TDRD12: variants seen among roughly 807,000 people sequenced by gnomAD.
TDRD12 encodes the protein tudor domain containing 12.
A neutral mutation model predicts 133.5 loss-of-function variants in TDRD12; 158 were observed. That is an observed-to-expected ratio of 1.18 (90% CI 1.04 to 1.35). The LOEUF (loss-of-function observed/expected upper bound fraction) is 1.35. Among genes scored for constraint, TDRD12 ranks in the 40% most tolerant of loss-of-function variants. TDRD12 has a pLI of 0.00. For synonymous variants in TDRD12, 460 were observed against 477.9 expected (o/e 0.96, Z 0.49); for missense variants, 1,443 against 1,321.3 (o/e 1.09, Z -1.43).
chr19:32,745,741 TGTG>T (rs1461965203), intron 4 of TDRD12, among the ~76,000 whole-genome samples: 15 of 144,362 alleles, frequency 1.0e-4, no homozygotes, highest in African/African-American at 3.7e-4. Flanking sequence ...GACTGGCTGA[TGTG>T]GTTATTCTGT....
At chr19:32,773,184 G>A (rs1035088314) in intron 9 of TDRD12, among the ~76,000 whole-genome samples, 7 of 152,194 alleles carry the variant, frequency 4.6e-5, no homozygotes, top group Admixed American at 4.6e-4. Flanking sequence ...CCGTCCCTTT[G>A]ACAAGACAGG....
intron 22 of TDRD12, among the ~76,000 whole-genome samples, 170 bp from the exon 23 acceptor site, chr19:32,809,923 G>T (rs1292278043): frequency 6.6e-6 from 1 of 152,112 alleles, no homozygotes; most frequent in Admixed American, 6.5e-5. Context: ...ACTGTGTGAG[G>T]TATTGGTTTT....
At position 32,794,642 on chromosome 19, in the gene TDRD12, TAA is replaced by T; in HGVS notation, c.1303_1304del (p.Lys435ValfsTer8). 2 of 702,462 alleles carry T rather than the reference TAA, an allele frequency of 2.8e-6. No individual in the cohort carries two copies. Among genetic ancestry groups the T allele is most frequent in the Non-Finnish European group, 5.2e-6 (2 of 384,774 alleles). The allele number at this position is 702,462 out of a possible 1,614,324, so 43.5% of individuals were successfully genotyped here. On this transcript the variant is annotated frameshift_variant, in exon 14 of 28. Coordinates refer to ENST00000444215, the Ensembl canonical transcript of TDRD12. LOFTEE classifies it high-confidence loss of function. The stretch of plus-strand genomic sequence containing the variant: ...CTGTTTTGTAGGCTCTTCAAAGAAA[TAA>T]GTTTCCGGGCCCCAGCCACACTGAA...
chr19:32,828,209 G>T (rs1166448743), exon 10 of TDRD12: 1 of 152,226 alleles, frequency 6.6e-6, no homozygotes, highest in African/African-American at 2.4e-5. Context: ...TTTCCGGGGT[G>T]AAGCTGCTGG....
rs572771785 is a variant in TDRD12 at position 32,817,185 on chromosome 19, T to A, written c.3315-904T>A. Among the ~76,000 whole-genome samples the A allele has an allele frequency of 2.6e-5, 4 of 152,284 alleles. No individual in the cohort carries two copies. In the East Asian group the frequency reaches 7.7e-4, roughly 29 times the overall value. ...TTTTAAGTGTACAATTCAGTGGCAT[T>A]TAGGACATTCTCAGTGTTGTGCAAC... On this transcript the variant is annotated intron_variant, in intron 26 of 27. Transcript: ENST00000444215.
exon 6 of TDRD12, chr19:32,749,801 G>C: frequency 6.4e-7 from 1 of 1,550,390 alleles, no homozygotes; most frequent in Non-Finnish European, 8.7e-7. Flanking sequence ...CCAGGTGGAA[G>C]CCAGATTATG....
intron 1 of TDRD12, among the ~76,000 whole-genome samples, chr19:32,729,778 CTTT>C (rs1162347194): frequency 3.9e-4 from 29 of 73,684 alleles, no homozygotes; most frequent in East Asian, 3.7e-3. Context: ...TTTTCTTTTT[CTTT>C]TTTTTTTTTT....
intron 2 of TDRD12, among the ~76,000 whole-genome samples, chr19:32,735,990 C>T (rs536793722): frequency 1.3e-5 from 2 of 152,076 alleles, no homozygotes; most frequent in Admixed American, 6.6e-5. Flanking sequence ...TAGGAGAAGT[C>T]GGTGTCTTTA....
intron 13 of TDRD12, among the ~76,000 whole-genome samples, chr19:32,793,774 A>C (rs1393628234): frequency 6.6e-6 from 1 of 150,870 alleles, no homozygotes; most frequent in East Asian, 1.9e-4. Context: ...CTTTTAATTT[A>C]GAAAATTAAA....
intron 8 of TDRD12, among the ~76,000 whole-genome samples, chr19:32,769,161 A>G (rs1407858089): frequency 2.0e-5 from 3 of 152,078 alleles, no homozygotes; most frequent in Non-Finnish European, 4.4e-5. Flanking sequence ...ATTTTTGGTA[A>G]AGTCTAGCTA....
At chr19:32,766,371 A>G (rs892836519) in intron 8 of TDRD12, among the ~76,000 whole-genome samples, 3 of 152,194 alleles carry the variant, frequency 2.0e-5, no homozygotes, top group African/African-American at 7.2e-5. Flanking sequence ...TTTGCATTAC[A>G]AACAATCCAG....
At chr19:32,722,366 T>G (rs909725733) in intron 1 of TDRD12, among the ~76,000 whole-genome samples, 1 of 152,044 alleles carries the variant, frequency 6.6e-6, no homozygotes, top group African/African-American at 2.4e-5. Flanking sequence ...ACTCTTTCAT[T>G]TACCTGCTCA....
intron 23 of TDRD12, among the ~76,000 whole-genome samples, 154 bp downstream of exon 23, chr19:32,810,431 G>T (rs984360774): frequency 2.6e-5 from 4 of 152,302 alleles, no homozygotes; most frequent in Middle Eastern, 3.4e-3. Flanking sequence ...CCAGTTCTTT[G>T]TGGGAAACTC....
chr19:32,790,179 A>G (rs1477779751), intron 11 of TDRD12, among the ~76,000 whole-genome samples: 1 of 149,432 alleles, frequency 6.7e-6, no homozygotes, highest in Non-Finnish European at 1.5e-5. Flanking sequence ...CTGGATCTAG[A>G]GGAAAGCAGT....
intron 1 of TDRD12, among the ~76,000 whole-genome samples, chr19:32,729,241 G>T (rs567943419): frequency 1.2e-4 from 15 of 130,294 alleles, no homozygotes; most frequent in African/African-American, 8.5e-5. Context: ...TTTGTGAGAT[G>T]GAGTCTTGCT....
chr19:32,781,865 C>T (rs537749717), intron 11 of TDRD12, among the ~76,000 whole-genome samples: 1 of 152,142 alleles, frequency 6.6e-6, no homozygotes, highest in Non-Finnish European at 1.5e-5. Flanking sequence ...TTGACTTTTT[C>T]GTTGTTCTCT....
Position 32,790,596 on chromosome 19 carries a change from T to C in TDRD12, c.1182+5T>C. 2 of 1,551,792 alleles carry C rather than the reference T, an allele frequency of 1.3e-6. No homozygotes were observed. Among genetic ancestry groups the C allele is most frequent in the Non-Finnish European group, 1.7e-6 (2 of 1,147,036 alleles). On this transcript the variant is annotated splice_donor_5th_base_variant and intron_variant, in intron 12 of 27. Coordinates refer to ENST00000444215, the Ensembl canonical transcript of TDRD12. The stretch of plus-strand genomic sequence containing the variant: ...GGAATCTCTGATCTCCAGCAGGTAT[T>C]ACAGGCCCTAAAAAAAGTAAAATAA...
downstream of TDRD12, among the ~76,000 whole-genome samples, chr19:32,823,533 G>A (rs1040083817): frequency 2.6e-5 from 4 of 152,184 alleles, no homozygotes; most frequent in African/African-American, 9.7e-5. Flanking sequence ...CTGGTGAGGT[G>A]AGAGGTGCAG....
At chr19:32,791,938 T>G (rs1018734100) in intron 13 of TDRD12, among the ~76,000 whole-genome samples, 1 of 111,130 alleles carries the variant, frequency 9.0e-6, no homozygotes, top group African/African-American at 4.0e-5. Flanking sequence ...GAAGAAAGCC[T>G]TCACCTTAAA....
Sources: gnomAD v4.1 joint callset for allele counts (sites outside exome capture counted in the v4.1 genomes callset) on GRCh38, gnomAD v4.1.1 for gene constraint, MANE v1.5 for transcripts, NCBI Gene and HGNC (gene_info 2026-07-23, HGNC 2026-07-21) for gene names.